CSMD1: variants seen among roughly 807,000 people sequenced by gnomAD.
CSMD1 encodes the protein CUB and sushi domain-containing protein 1.
CSMD1 carries 213 observed loss-of-function variants against 417.5 expected under a neutral mutation model. That is an observed-to-expected ratio of 0.51 (90% CI 0.46 to 0.57). The LOEUF is 0.57. Among genes scored for constraint, CSMD1 ranks in the 20% least tolerant of loss-of-function variants. The pLI is 0.00. For missense variants in CSMD1, 6,923 were observed against 4,529.7 expected, an observed-to-expected ratio of 1.53 and a Z score of -15.17; for synonymous variants, 2,862 against 1,736.8, an observed-to-expected ratio of 1.65 and a Z score of -16.11.
At chr8:3,613,699 T>TC in intron 8 of CSMD1, among the ~76,000 whole-genome samples, 1 of 93,482 alleles carries the variant, frequency 1.1e-5, no homozygotes, top group East Asian at 3.2e-4. Context: ...CATGTCAGAT[T>TC]AAAACACACA....
Position 3,930,728 on chromosome 8 carries a change from A to C in CSMD1, c.818+67175T>G, listed in dbSNP as rs79072148. On this transcript the variant is annotated intron_variant, in intron 5 of 69. Transcript: ENST00000635120. Reference sequence around the variant, plus strand: ...AAAGGAAAAAAATGGCCTTGTGAGGAAATTAAATTTATGTTCAAGTGCTAC... The same window carrying C: ...AAAGGAAAAAAATGGCCTTGTGAGGCAATTAAATTTATGTTCAAGTGCTAC... Among the ~76,000 whole-genome samples, 1,484 of 150,596 alleles carry C rather than the reference A, an allele frequency of 9.9e-3. 117 individuals carry two copies. In the East Asian group the frequency reaches 0.15, roughly 15 times the overall value.
chr8:3,688,871 G>C (rs1365296501), intron 7 of CSMD1, among the ~76,000 whole-genome samples: 1 of 151,964 alleles, frequency 6.6e-6, no homozygotes, highest in Non-Finnish European at 1.5e-5. Context: ...AGAGAGATCA[G>C]AAATAGACTC....
At chr8:3,493,751 A>C (rs1796236261) in intron 10 of CSMD1, 25 bp from the exon 11 acceptor site, 1 of 1,565,904 alleles carries the variant, frequency 6.4e-7, no homozygotes, top group East Asian at 2.3e-5. Flanking sequence ...CGAAACAGTG[A>C]CTTAGAACAA....
intron 1 of CSMD1, among the ~76,000 whole-genome samples, chr8:4,640,294 C>A (rs1211858100): frequency 1.3e-5 from 2 of 152,184 alleles, no homozygotes; most frequent in Non-Finnish European, 2.9e-5. Flanking sequence ...GTTGGCTGTC[C>A]AGTGCAAACA....
chr8:3,200,001 G>A (rs952058333), intron 32 of CSMD1, among the ~76,000 whole-genome samples, 192 bp from the exon 33 acceptor site: 1 of 152,006 alleles, frequency 6.6e-6, no homozygotes, highest in Non-Finnish European at 1.5e-5. Flanking sequence ...GCAAGAATAG[G>A]CAGTGCATTT....
In CSMD1 at chr8:4,873,334, T is replaced by C. The variant is rs1802846208; in HGVS notation, c.85+120998A>G. On this transcript the variant is annotated intron_variant, in intron 1 of 69. Coordinates refer to ENST00000635120, the MANE Select transcript of CSMD1 (RefSeq NM_033225.6). ...CGTAGACCCATTCCAAACAGTGAGA[T>C]ATGTGTGTTTGGTTTGTATGAACAT... Among the ~76,000 whole-genome samples the C allele has an allele frequency of 2.0e-5, 3 of 152,172 alleles. No individual in the cohort carries two copies. In the South Asian group the frequency reaches 6.2e-4, roughly 31 times the overall value.
At chr8:4,807,709 A>T (rs1798672004) in intron 1 of CSMD1, among the ~76,000 whole-genome samples, 1 of 152,206 alleles carries the variant, frequency 6.6e-6, no homozygotes, top group Admixed American at 6.5e-5. Flanking sequence ...TTATATGTTA[A>T]ACTGAATAAA....
chr8:4,003,540 C>A (rs1347841194), intron 4 of CSMD1, among the ~76,000 whole-genome samples: 2 of 151,962 alleles, frequency 1.3e-5, no homozygotes, highest in Non-Finnish European at 2.9e-5. Context: ...AAATTAAAAA[C>A]AAACACAGGT....
chr8:4,272,422 C>CAT (rs1444479647), intron 3 of CSMD1, among the ~76,000 whole-genome samples: 1 of 152,084 alleles, frequency 6.6e-6, no homozygotes, highest in East Asian at 1.9e-4. Context: ...TTACATATAT[C>CAT]ATACTACATA....
At chr8:3,100,966 G>A (rs1227902741) in intron 46 of CSMD1, among the ~76,000 whole-genome samples, 2 of 151,916 alleles carry the variant, frequency 1.3e-5, no homozygotes, top group Non-Finnish European at 2.9e-5. Flanking sequence ...GGGCAGCGGC[G>A]GTTTTTATGT....
intron 1 of CSMD1, among the ~76,000 whole-genome samples, chr8:4,825,975 T>TA (rs34704541): frequency 3.3e-5 from 5 of 151,736 alleles, no homozygotes; most frequent in African/African-American, 7.3e-5. Context: ...AATTTTTTTT[T>TA]AAAAAAAGAA....
chr8:3,800,693 G>C (rs187577490), intron 5 of CSMD1, among the ~76,000 whole-genome samples: 101 of 152,276 alleles, frequency 6.6e-4, no homozygotes, highest in South Asian at 2.1e-4. Context: ...GAGTGAGTGA[G>C]TTCTTGTTCT....
intron 11 of CSMD1, among the ~76,000 whole-genome samples, chr8:3,483,288 A>C (rs966040253): frequency 2.6e-5 from 4 of 152,086 alleles, no homozygotes; most frequent in African/African-American, 9.7e-5. Flanking sequence ...AATACCAGAA[A>C]TAAAATAGAG....
intron 3 of CSMD1, among the ~76,000 whole-genome samples, chr8:4,156,512 A>T (rs79567526): frequency 6.6e-6 from 1 of 152,092 alleles, no homozygotes; most frequent in Non-Finnish European, 1.5e-5. Context: ...TATGTGTAAT[A>T]AAGTAAGTTC....
intron 26 of CSMD1, among the ~76,000 whole-genome samples, chr8:3,269,459 C>A (rs1231655576): frequency 6.6e-6 from 1 of 152,224 alleles, no homozygotes; most frequent in East Asian, 1.9e-4. Context: ...CACCAAAGGC[C>A]TCTCCTGTAA....
intron 12 of CSMD1, among the ~76,000 whole-genome samples, chr8:3,434,680 C>T (rs543511219): frequency 1.3e-5 from 2 of 152,234 alleles, no homozygotes; most frequent in African/African-American, 4.8e-5. Context: ...CTCCATATCC[C>T]CCTCATTCCT....
intron 5 of CSMD1, among the ~76,000 whole-genome samples, chr8:3,868,679 C>G (rs917494613): frequency 3.9e-5 from 6 of 152,198 alleles, no homozygotes; most frequent in South Asian, 4.1e-4. Flanking sequence ...ATCTTTCCAT[C>G]TCATGAATGC....
chr8:3,661,621 C>G (rs1233296164), intron 7 of CSMD1, among the ~76,000 whole-genome samples: 2 of 152,108 alleles, frequency 1.3e-5, no homozygotes, highest in Admixed American at 6.5e-5. Context: ...CTCAGCCTCC[C>G]AAGTAGTTGG....
intron 3 of CSMD1, among the ~76,000 whole-genome samples, chr8:4,331,246 T>G (rs1055011437): frequency 9.2e-5 from 14 of 152,126 alleles, no homozygotes; most frequent in African/African-American, 2.7e-4. Context: ...GGAACCTCTT[T>G]CAGAGAGAAG....
Sources: gnomAD v4.1 joint callset for allele counts (sites outside exome capture counted in the v4.1 genomes callset) on GRCh38, gnomAD v4.1.1 for gene constraint, MANE v1.5 for transcripts, NCBI Gene and HGNC (gene_info 2026-07-23, HGNC 2026-07-21) for gene names.